The following FGF5 variants were observed in gnomAD, a reference collection of about 807,000 sequenced individuals.
The protein encoded by FGF5 is heparin-binding growth factor 5.
Under a neutral mutation model 21.8 loss-of-function variants are expected in FGF5, and 23 were observed. The ratio of observed to expected loss-of-function variants is 1.05; its 90% CI spans 0.76 to 1.49. The LOEUF is 1.49. Among genes scored for constraint, FGF5 ranks in the 40% most tolerant of loss-of-function variants. FGF5 has a pLI of 0.00. For missense variants in FGF5, 352 were observed against 332.9 expected (o/e 1.06, Z -0.45); for synonymous variants, 158 against 124.0 (o/e 1.27, Z -1.82).
intron 1 of FGF5, among the ~76,000 whole-genome samples, chr4:80,269,972 A>G (rs898762555): frequency 1.7e-4 from 26 of 152,364 alleles, no homozygotes; most frequent in African/African-American, 5.5e-4. Flanking sequence ...TGTAAAAGAG[A>G]AACAGAAACT....
At position 80,284,231 on chromosome 4, in the gene FGF5, C is replaced by T. The variant is rs1423204561; in HGVS notation, c.460-2094C>T. ...GGCAGATTATCTGAGGTCAGGAATT[C>T]GAGACAAGCCTGGCCAATATGGTGA... On this transcript the variant is annotated intron_variant, in intron 2 of 2. Coordinates refer to ENST00000312465, the MANE Select transcript of FGF5 (RefSeq NM_004464.4). 5.9e-5 allele frequency among the ~76,000 whole-genome samples: 9 copies of T among 152,046 alleles called. No homozygotes were observed. In the East Asian group the frequency reaches 1.4e-3, roughly 23 times the overall value.
At chr4:80,276,292 T>C (rs1720408343) in intron 2 of FGF5, among the ~76,000 whole-genome samples, 1 of 152,036 alleles carries the variant, frequency 6.6e-6, no homozygotes, top group African/African-American at 2.4e-5. Flanking sequence ...TTTACTAACA[T>C]AAATGGAAAT....
At chr4:80,269,000 A>T (rs987670224) in intron 1 of FGF5, among the ~76,000 whole-genome samples, 1 of 152,198 alleles carries the variant, frequency 6.6e-6, no homozygotes. Flanking sequence ...ATCAGCCATC[A>T]CAGCTTATTC....
intron 2 of FGF5, among the ~76,000 whole-genome samples, chr4:80,277,527 C>T (rs1048139540): frequency 2.8e-4 from 42 of 152,042 alleles, no homozygotes; most frequent in African/African-American, 9.7e-4. Context: ...CAGTTTTATG[C>T]CCAGTTGGTT....
At chr4:80,274,848 A>T in intron 1 of FGF5, 61 bp from the exon 2 acceptor site, 1 of 739,344 alleles carries the variant, frequency 1.4e-6, no homozygotes, top group Admixed American at 2.6e-5. Context: ...GTAGAAATTT[A>T]ATTCTTCACA....
intron 2 of FGF5, among the ~76,000 whole-genome samples, chr4:80,282,587 G>T (rs1720585769): frequency 6.6e-6 from 1 of 152,054 alleles, no homozygotes; most frequent in South Asian, 2.1e-4. Context: ...CCTGGCATGT[G>T]ATATCTGTGG....
chr4:80,275,042 G>C (rs1247292025), intron 2 of FGF5, 30 bp downstream of exon 2: 2 of 926,430 alleles, frequency 2.2e-6, no homozygotes, highest in South Asian at 3.3e-5. Context: ...ATTTGTTAAA[G>C]GTGCTATAAA....
intron 2 of FGF5, among the ~76,000 whole-genome samples, chr4:80,278,461 T>A (rs922343004): frequency 6.6e-6 from 1 of 152,122 alleles, no homozygotes; most frequent in African/African-American, 2.4e-5. Context: ...TTTACAAATG[T>A]TGGTTATTCA....
intron 2 of FGF5, among the ~76,000 whole-genome samples, chr4:80,282,547 TC>T: frequency 6.6e-6 from 1 of 152,332 alleles, no homozygotes; most frequent in South Asian, 2.1e-4. Flanking sequence ...AATACTGTTT[TC>T]CACTGTAAAA....
At chr4:80,282,874 A>T (rs1255836635) in intron 2 of FGF5, among the ~76,000 whole-genome samples, 3 of 152,192 alleles carry the variant, frequency 2.0e-5, no homozygotes, top group Non-Finnish European at 4.4e-5. Context: ...AGATTTAAAA[A>T]ATAAAAATCA....
chr4:80,271,515 C>T (rs553888499), intron 1 of FGF5, among the ~76,000 whole-genome samples: 2 of 152,218 alleles, frequency 1.3e-5, no homozygotes, highest in South Asian at 2.1e-4. Flanking sequence ...TACACTGAGC[C>T]ACCCGTCCAC....
At chr4:80,281,693 A>G (rs1407169214) in intron 2 of FGF5, among the ~76,000 whole-genome samples, 1 of 152,152 alleles carries the variant, frequency 6.6e-6, no homozygotes, top group Non-Finnish European at 1.5e-5. Context: ...CTCAATCATC[A>G]TAGATGGTGA....
At position 80,289,526 on chromosome 4, in the gene FGF5, T is replaced by C. The variant is rs1370720634; in HGVS notation, c.*2854T>C. On this transcript the variant is annotated 3_prime_UTR_variant, in exon 3 of 3. Transcript: ENST00000312465. ...AACACAACAATAACTTTTATATTAA[T>C]ATTTAGGAGTCTATTTTGTCTATAG... is the stretch of plus-strand genomic sequence containing the variant. The C allele has an allele frequency of 6.6e-6, 1 of 152,116 alleles. No individual in the cohort carries two copies. Among genetic ancestry groups the C allele is most frequent in the Admixed American group, 6.6e-5 (1 of 15,266 alleles). 9.4% of individuals were successfully genotyped at this position (152,116 alleles called of 1,614,324 possible). A position where few individuals can be genotyped will look rare whatever the true frequency, so the allele number is the denominator to read the frequency against.
At position 80,266,821 on chromosome 4, in the gene FGF5, A is replaced by T. The variant is rs750591752; in HGVS notation, c.-4A>T. On this transcript the variant is annotated 5_prime_UTR_variant, in exon 1 of 3. Coordinates refer to ENST00000312465, the MANE Select transcript of FGF5 (RefSeq NM_004464.4). ...ATGCACTTAGGACCCCCGCGGCTGG[A>T]AGAATGAGCTTGTCCTTCCTCCTCC... The T allele has an allele frequency of 1.3e-6, 2 of 1,572,214 alleles. No individual in the cohort carries two copies. The highest frequency in any genetic ancestry group is 1.4e-5 in the African/African-American group (1 of 73,524).
intron 1 of FGF5, among the ~76,000 whole-genome samples, chr4:80,273,139 A>G (rs1285739287): frequency 1.3e-5 from 2 of 151,800 alleles, no homozygotes; most frequent in African/African-American, 4.8e-5. Flanking sequence ...ATTTAAAAAC[A>G]TTTTGAAGGA....
At position 80,288,052 on chromosome 4, in the gene FGF5, G is replaced by C. The variant is rs1720786306; in HGVS notation, c.*1380G>C. The C allele has an allele frequency of 6.6e-6, 1 of 152,054 alleles. No homozygotes were observed. Among genetic ancestry groups the C allele is most frequent in the Admixed American group, 6.6e-5 (1 of 15,258 alleles). The allele number at this position is 152,054 out of a possible 1,614,324, so 9.4% of individuals were successfully genotyped here. A position where few individuals can be genotyped will look rare whatever the true frequency, so the allele number is the denominator to read the frequency against. On this transcript the variant is annotated 3_prime_UTR_variant, in exon 3 of 3. Transcript: ENST00000312465. ...CAGGTAATCATTTTAATAAAGTTCTGCAAAATACACGTTTATCTTACATTC... is the reference window on the plus strand; with the variant it reads ...CAGGTAATCATTTTAATAAAGTTCTCCAAAATACACGTTTATCTTACATTC...
chr4:80,268,929 C>T (rs982818735), intron 1 of FGF5, among the ~76,000 whole-genome samples: 10 of 152,252 alleles, frequency 6.6e-5, no homozygotes, highest in African/African-American at 2.2e-4. Flanking sequence ...GAGGAATAAT[C>T]AGTAACATCT....
intron 1 of FGF5, among the ~76,000 whole-genome samples, chr4:80,270,402 G>GAAA (rs1184626949): frequency 4.7e-5 from 7 of 149,902 alleles, no homozygotes; most frequent in African/African-American, 1.7e-4. Context: ...ATGTTTTCTG[G>GAAA]TTTCACCATG....
intron 1 of FGF5, among the ~76,000 whole-genome samples, chr4:80,271,282 C>T (rs17531962): frequency 0.056 from 8,501 of 151,696 alleles, 332 homozygotes; most frequent in Non-Finnish European, 0.083. Context: ...TTTTTTTTTA[C>T]GGAAGTAAGC....
Sources: gnomAD v4.1 joint callset for allele counts (sites outside exome capture counted in the v4.1 genomes callset) on GRCh38, gnomAD v4.1.1 for gene constraint, MANE v1.5 for transcripts, NCBI Gene and HGNC (gene_info 2026-07-23, HGNC 2026-07-21) for gene names.